Variants in DIAPH3 observed in about 807,000 individuals in gnomAD.
The protein encoded by DIAPH3 is protein diaphanous homolog 3.
In DIAPH3, 117 loss-of-function variants were observed where a neutral mutation model predicts 144.3. The ratio of observed to expected loss-of-function variants is 0.81; its 90% CI spans 0.70 to 0.95. The LOEUF is 0.95. Ranked by LOEUF, DIAPH3 falls within the 40% of genes least tolerant of loss-of-function variation. The pLI is 0.00. For synonymous variants in DIAPH3, 519 were observed against 488.9 expected, an observed-to-expected ratio of 1.06 and a Z score of -0.81; for missense variants, 1,421 against 1,412.7, an observed-to-expected ratio of 1.01 and a Z score of -0.09.
chr13:59,804,567 G>A (rs2040095325), intron 25 of DIAPH3, among the ~76,000 whole-genome samples: 1 of 152,034 alleles, frequency 6.6e-6, no homozygotes, highest in Admixed American at 6.5e-5. Context: ...ATCAATAAAT[G>A]CCAGCAGTAG....
At chr13:59,888,497 T>C (rs1249765044) in intron 20 of DIAPH3, among the ~76,000 whole-genome samples, 1 of 152,154 alleles carries the variant, frequency 6.6e-6, no homozygotes, top group Non-Finnish European at 1.5e-5. Context: ...ATTTTTAGTA[T>C]TCTATTTCGT....
At chr13:59,972,357 G>A (rs2050435454) in intron 15 of DIAPH3, among the ~76,000 whole-genome samples, 1 of 152,136 alleles carries the variant, frequency 6.6e-6, no homozygotes, top group Non-Finnish European at 1.5e-5. Context: ...CATTTCGATG[G>A]ATACAAAGAA....
chr13:59,739,670 TA>T (rs2036347413), intron 27 of DIAPH3, among the ~76,000 whole-genome samples: 1 of 152,046 alleles, frequency 6.6e-6, no homozygotes, highest in Admixed American at 6.6e-5. Flanking sequence ...AGATTAAACA[TA>T]AAGTAAATAT....
At chr13:60,111,266 G>A (rs1028933801) in intron 3 of DIAPH3, among the ~76,000 whole-genome samples, 1 of 152,178 alleles carries the variant, frequency 6.6e-6, no homozygotes, top group African/African-American at 2.4e-5. Flanking sequence ...AGAAAAAGAC[G>A]TAGAAAGTGA....
chr13:60,057,993 TTA>T (rs1396625249), intron 4 of DIAPH3, among the ~76,000 whole-genome samples: 7 of 151,824 alleles, frequency 4.6e-5, no homozygotes, highest in Non-Finnish European at 7.4e-5. Flanking sequence ...GGCAAATAAT[TTA>T]TGAGTGAGAC....
rs1387064090 is a variant in DIAPH3 at position 60,084,050 on chromosome 13, AT to A, written c.495+9577del. Among the ~76,000 whole-genome samples the A allele has an allele frequency of 1.6e-4, 24 of 152,128 alleles. 1 individual carries two copies. The South Asian group carries it at 3.7e-3, about 24-fold the overall frequency. On this transcript the variant is annotated intron_variant, in intron 4 of 27. Transcript: ENST00000400324. ...GATAGATAGATAGATAGATAGATAG[AT>A]AGATAGATAGAAAGAATAAACTATA... is the stretch of plus-strand genomic sequence containing the variant.
chr13:59,774,852 C>A, intron 25 of DIAPH3, 29 bp from the exon 26 acceptor site: 1 of 1,581,526 alleles, frequency 6.3e-7, no homozygotes, highest in East Asian at 2.2e-5. Context: ...GGAATTCCAT[C>A]AGCCCTCAGG....
At chr13:59,779,104 G>A (rs188738101) in intron 25 of DIAPH3, among the ~76,000 whole-genome samples, 29 of 151,970 alleles carry the variant, frequency 1.9e-4, no homozygotes, top group Non-Finnish European at 3.4e-4. Context: ...TCTTTCTCTC[G>A]TCCATCACTG....
chr13:59,993,698 T>C (rs993768514), intron 9 of DIAPH3, among the ~76,000 whole-genome samples: 16 of 19,998 alleles, frequency 8.0e-4, no homozygotes, highest in African/African-American at 1.6e-3. Flanking sequence ...AAGAGAAACA[T>C]ACTTAAAAAA....
chr13:60,142,433 TA>T (rs1368906126), intron 1 of DIAPH3, among the ~76,000 whole-genome samples: 1 of 152,184 alleles, frequency 6.6e-6, no homozygotes, highest in Admixed American at 6.5e-5. Context: ...GGAATTAGTC[TA>T]GGGGGTAGAG....
intron 21 of DIAPH3, among the ~76,000 whole-genome samples, chr13:59,878,791 C>A (rs1389710324): frequency 6.6e-6 from 1 of 151,944 alleles, no homozygotes; most frequent in Non-Finnish European, 1.5e-5. Flanking sequence ...TAAAGGGGTC[C>A]CATTTTTCTC....
chr13:59,745,663 A>ACAAT (rs1280367244), intron 27 of DIAPH3, among the ~76,000 whole-genome samples: 1 of 152,170 alleles, frequency 6.6e-6, no homozygotes, highest in Non-Finnish European at 1.5e-5. Flanking sequence ...CTTCACTGAA[A>ACAAT]CAATGTATTA....
chr13:59,717,901 T>C (rs2035140715), intron 27 of DIAPH3, among the ~76,000 whole-genome samples: 1 of 152,078 alleles, frequency 6.6e-6, no homozygotes, highest in Non-Finnish European at 1.5e-5. Flanking sequence ...ACTATTAAAA[T>C]GGACAATCTT....
chr13:59,879,364 A>G lies in DIAPH3; in HGVS notation c.2472T>C (p.Ser824=). 6.2e-7 allele frequency: 1 copy of G among 1,613,934 alleles called. No individual in the cohort carries two copies. The highest frequency in any genetic ancestry group is 1.1e-5 in the South Asian group (1 of 91,084). ...NNIKPDIMAV[S]TACEEIKKSK... is the part of the protein sequence containing the mutation. ...TCTTCTTTATCTCTTCGCAGGCAGTACTGACAGCCATGATGTCAGGTTTGA... is the reference window on the plus strand; with the variant it reads ...TCTTCTTTATCTCTTCGCAGGCAGTGCTGACAGCCATGATGTCAGGTTTGA... The change falls in exon 21 of 28, where the codon AGT becomes AGC. Residue 824 remains serine, a synonymous_variant. Coordinates refer to ENST00000400324, the MANE Select transcript of DIAPH3 (RefSeq NM_001042517.2).
chr13:60,031,515 T>C (rs1169095768), intron 5 of DIAPH3, among the ~76,000 whole-genome samples: 1 of 152,136 alleles, frequency 6.6e-6, no homozygotes, highest in Non-Finnish European at 1.5e-5. Context: ...CATTCCAGCA[T>C]TAACTCTAAA....
At chr13:59,890,612 T>A (rs1216961506) in intron 20 of DIAPH3, among the ~76,000 whole-genome samples, 3 of 152,016 alleles carry the variant, frequency 2.0e-5, no homozygotes, top group African/African-American at 7.2e-5. Flanking sequence ...TGTACCCAAA[T>A]TAAACATGCT....
intron 7 of DIAPH3, among the ~76,000 whole-genome samples, chr13:60,015,541 T>C (rs947383408): frequency 1.3e-5 from 2 of 151,824 alleles, no homozygotes; most frequent in Non-Finnish European, 2.9e-5. Context: ...CGCCGTACTT[T>C]TGAGAGTTAG....
chr13:59,889,417 T>C (rs1419278371), intron 20 of DIAPH3, among the ~76,000 whole-genome samples: 3 of 152,112 alleles, frequency 2.0e-5, no homozygotes. Context: ...ATTTTTAATT[T>C]AGTTATTGAA....
chr13:59,734,092 A>G (rs917047735), intron 27 of DIAPH3, among the ~76,000 whole-genome samples: 7 of 152,242 alleles, frequency 4.6e-5, no homozygotes, highest in African/African-American at 1.7e-4. Flanking sequence ...TTTAGTTCCT[A>G]AAGTTACCTG....
Sources: gnomAD v4.1 joint callset for allele counts (sites outside exome capture counted in the v4.1 genomes callset) on GRCh38, gnomAD v4.1.1 for gene constraint, MANE v1.5 for transcripts, NCBI Gene and HGNC (gene_info 2026-07-23, HGNC 2026-07-21) for gene names.